The following AKAP7 variants were observed in gnomAD, a reference collection of about 807,000 sequenced individuals.
The protein encoded by AKAP7 is A-kinase anchoring protein 7.
A neutral mutation model predicts 39.5 loss-of-function variants in AKAP7; 39 were observed. The observed-to-expected ratio is 0.99, with a 90% CI of 0.76 to 1.29. AKAP7 has a LOEUF of 1.29. Ranked by LOEUF, AKAP7 falls within the 50% of genes most tolerant of loss-of-function variation. AKAP7 has a pLI of 0.00. For synonymous variants in AKAP7, 140 were observed against 139.1 expected (o/e 1.01, Z -0.05); for missense variants, 414 against 407.7 (o/e 1.02, Z -0.13).
At chr6:131,234,382 C>G (rs1810866166) in intron 7 of AKAP7, among the ~76,000 whole-genome samples, 1 of 152,136 alleles carries the variant, frequency 6.6e-6, no homozygotes. Flanking sequence ...TTAATGGGAA[C>G]CAAGTGAAGG....
At chr6:131,193,993 C>A (rs1260700220) in intron 5 of AKAP7, among the ~76,000 whole-genome samples, 1 of 151,948 alleles carries the variant, frequency 6.6e-6, no homozygotes, top group Non-Finnish European at 1.5e-5. Context: ...TTCAAAAAAA[C>A]AGCTTTTCAT....
At chr6:131,253,724 A>G (rs1042102583) in intron 7 of AKAP7, among the ~76,000 whole-genome samples, 1 of 151,954 alleles carries the variant, frequency 6.6e-6, no homozygotes, top group African/African-American at 2.4e-5. Context: ...GAGAACATAC[A>G]ATATTTGTCT....
At chr6:131,145,110 T>C (rs569725846) in intron 1 of AKAP7, among the ~76,000 whole-genome samples, 175 bp from the exon 2 acceptor site, 1 of 152,288 alleles carries the variant, frequency 6.6e-6, no homozygotes, top group Non-Finnish European at 1.5e-5. Flanking sequence ...AAATATAGAG[T>C]GTGGTATAAA....
chr6:131,221,406 G>A (rs1809686310), intron 7 of AKAP7, among the ~76,000 whole-genome samples: 1 of 152,178 alleles, frequency 6.6e-6, no homozygotes, highest in Non-Finnish European at 1.5e-5. Context: ...AAAAGTGCAC[G>A]GTGAAGCAGA....
At chr6:131,160,331 A>G (rs947323318) in intron 3 of AKAP7, 133 bp downstream of exon 3, 3 of 873,036 alleles carry the variant, frequency 3.4e-6, no homozygotes, top group Non-Finnish European at 5.3e-6. Flanking sequence ...TGTCCAGGGA[A>G]TATTTCTGTT....
Position 131,282,328 on chromosome 6 carries a change from T to G in AKAP7, c.*602T>G, listed in dbSNP as rs1174124955. 7.4e-7 allele frequency: 1 copy of G among 1,360,418 alleles called. No homozygotes were observed. Among genetic ancestry groups the G allele is most frequent in the Admixed American group, 3.3e-5 (1 of 30,318 alleles). The allele number at this position is 1,360,418 out of a possible 1,614,324, so 84.3% of individuals were successfully genotyped here. A position where few individuals can be genotyped will look rare whatever the true frequency, so the allele number is the denominator to read the frequency against. On this transcript the variant is annotated 3_prime_UTR_variant, in exon 8 of 8. Coordinates refer to ENST00000431975, the MANE Select transcript of AKAP7 (RefSeq NM_016377.4). ...ATGTGGGCAACATTTTAAAGTTTTT[T>G]TAAAATCCTATTTTGATAAGTCAGT...
intron 7 of AKAP7, among the ~76,000 whole-genome samples, chr6:131,277,962 AC>A (rs1814882238): frequency 6.6e-6 from 1 of 152,204 alleles, no homozygotes; most frequent in South Asian, 2.1e-4. Context: ...TAGATTTTTC[AC>A]ATGGATATTT....
At chr6:131,128,212 A>G in the AKAP7 span, among the ~76,000 whole-genome samples, 1 of 152,226 alleles carries the variant, frequency 6.6e-6, no homozygotes, top group African/African-American at 2.4e-5. Flanking sequence ...AAAGTAGTAG[A>G]AAAAGGTAAA....
chr6:131,183,112 T>C (rs1049637028), intron 5 of AKAP7, among the ~76,000 whole-genome samples: 5 of 152,144 alleles, frequency 3.3e-5, no homozygotes, highest in African/African-American at 1.2e-4. Context: ...AAAACGTTTA[T>C]GTTTACTGAT....
Position 131,142,636 on chromosome 6 carries a change from G to A in AKAP7, c.20-2649G>A, listed in dbSNP as rs535273578. On this transcript the variant is annotated intron_variant, in intron 1 of 7. Coordinates refer to ENST00000431975, the MANE Select transcript of AKAP7 (RefSeq NM_016377.4). Reference sequence around the variant, plus strand: ...GAAACTCTCCTAGGGCAATGCTGGGGGGAAATGTGGGATTGGAGCCCCCAC... The same window carrying A: ...GAAACTCTCCTAGGGCAATGCTGGGAGGAAATGTGGGATTGGAGCCCCCAC... Among the ~76,000 whole-genome samples the A allele has an allele frequency of 1.5e-4, 23 of 152,356 alleles. No homozygotes were observed. In the South Asian group the frequency reaches 4.8e-3, roughly 32 times the overall value.
chr6:131,250,948 T>G (rs1054448153), intron 7 of AKAP7, among the ~76,000 whole-genome samples: 5 of 152,212 alleles, frequency 3.3e-5, no homozygotes, highest in African/African-American at 1.2e-4. Context: ...TGCATTCGAT[T>G]TGATATACTG....
Position 131,240,172 on chromosome 6 carries a change from C to A in AKAP7, c.850+20364C>A, listed in dbSNP as rs528037560. Among the ~76,000 whole-genome samples the A allele has an allele frequency of 5.9e-5, 9 of 152,358 alleles. No homozygotes were observed. In the South Asian group the frequency reaches 1.9e-3, roughly 32 times the overall value. On this transcript the variant is annotated intron_variant, in intron 7 of 7. Transcript: ENST00000431975. Reference sequence around the variant, plus strand: ...TCTGTTGGAGTTTGCTGGAGGTCCACTCCAGACCCTGTTTGCCTGGGTATC... The same window carrying A: ...TCTGTTGGAGTTTGCTGGAGGTCCAATCCAGACCCTGTTTGCCTGGGTATC...
chr6:131,280,854 C>G (rs1815140319), intron 7 of AKAP7, among the ~76,000 whole-genome samples: 1 of 151,978 alleles, frequency 6.6e-6, no homozygotes, highest in Non-Finnish European at 1.5e-5. Flanking sequence ...ATTATCACTC[C>G]CAGGGAAGTA....
chr6:131,159,006 A>G (rs537138411), intron 2 of AKAP7, among the ~76,000 whole-genome samples: 1 of 152,286 alleles, frequency 6.6e-6, no homozygotes, highest in East Asian at 1.9e-4. Context: ...GATGTTGTAA[A>G]TGAGTCTTAC....
In AKAP7 at chr6:131,148,950, G is replaced by A. The variant is rs182065596; in HGVS notation, c.151+3534G>A. On this transcript the variant is annotated intron_variant, in intron 2 of 7. Coordinates refer to ENST00000431975, the MANE Select transcript of AKAP7 (RefSeq NM_016377.4). ...TATGATTCCTTCAGTTTTCTTTGAC[G>A]TGTGGAAATTGCGAGTTAACTGCCA... is the stretch of plus-strand genomic sequence containing the variant. 1.2e-3 allele frequency among the ~76,000 whole-genome samples: 186 copies of A among 152,228 alleles called. 1 individual carries two copies. Among genetic ancestry groups the A allele is most frequent in the African/African-American group, 3.7e-3 (155 of 41,530 alleles).
At chr6:131,145,876 G>T (rs1229700942) in intron 2 of AKAP7, among the ~76,000 whole-genome samples, 1 of 151,972 alleles carries the variant, frequency 6.6e-6, no homozygotes, top group East Asian at 1.9e-4. Flanking sequence ...TTATTTAATA[G>T]TTGTCTATAT....
At chr6:131,236,208 TA>T (rs1206390784) in intron 7 of AKAP7, among the ~76,000 whole-genome samples, 7 of 152,156 alleles carry the variant, frequency 4.6e-5, no homozygotes, top group Non-Finnish European at 8.8e-5. Flanking sequence ...AAAGATCAGA[TA>T]GTTGTAGATA....
Position 131,282,668 on chromosome 6 carries a change from T to C in AKAP7, c.*942T>C, listed in dbSNP as rs911662358. The stretch of plus-strand genomic sequence containing the variant: ...CTTTTCAGCTTATTAAGTAGCTCTT[T>C]GGTAAACACCAAAGAAGTTTCTGAT... On this transcript the variant is annotated 3_prime_UTR_variant, in exon 8 of 8. Coordinates refer to ENST00000431975, the MANE Select transcript of AKAP7 (RefSeq NM_016377.4). 1.1e-4 allele frequency: 147 copies of C among 1,363,898 alleles called. No individual in the cohort carries two copies. In the East Asian group the frequency reaches 3.7e-3, roughly 34 times the overall value. The allele number at this position is 1,363,898 out of a possible 1,614,324, so 84.5% of individuals were successfully genotyped here. A position where few individuals can be genotyped will look rare whatever the true frequency, so the allele number is the denominator to read the frequency against.
At chr6:131,166,049 A>G (rs1803452168) in intron 4 of AKAP7, among the ~76,000 whole-genome samples, 1 of 152,230 alleles carries the variant, frequency 6.6e-6, no homozygotes. Flanking sequence ...GGTAAAATAA[A>G]AGGGATAAGA....
Sources: gnomAD v4.1 joint callset for allele counts (sites outside exome capture counted in the v4.1 genomes callset) on GRCh38, gnomAD v4.1.1 for gene constraint, MANE v1.5 for transcripts, NCBI Gene and HGNC (gene_info 2026-07-23, HGNC 2026-07-21) for gene names.